Variants in FHIT observed in about 807,000 individuals in gnomAD.
The protein encoded by FHIT is fragile histidine triad diadenosine triphosphatase, also known as bis(5'-adenosyl)-triphosphatase.
A neutral mutation model predicts 17.9 loss-of-function variants in FHIT; 19 were observed. The observed-to-expected ratio is 1.06, with a 90% confidence interval of 0.74 to 1.56. The LOEUF (loss-of-function observed/expected upper bound fraction) is 1.56, where lower values mean the gene tolerates loss of function less well. Ranked by LOEUF, FHIT falls within the 40% of genes most tolerant of loss-of-function variation. The probability of loss-of-function intolerance (pLI) is 0.00; values close to 1 mark genes in which losing one functional copy is unlikely to be tolerated. For synonymous variants in FHIT, 81 were observed against 69.7 expected (o/e 1.16, Z -0.81); for missense variants, 248 against 189.2 (o/e 1.31, Z -1.82).
chr3:60,409,133 G>A (rs1701977073), intron 5 of FHIT, among the ~76,000 whole-genome samples: 1 of 152,176 alleles, frequency 6.6e-6, no homozygotes, highest in Non-Finnish European at 1.5e-5. Context: ...TACTGAATAT[G>A]ATAGTGTATG....
intron 7 of FHIT, among the ~76,000 whole-genome samples, chr3:59,944,797 G>A (rs1283645845): frequency 6.6e-6 from 1 of 152,098 alleles, no homozygotes; most frequent in African/African-American, 2.4e-5. Flanking sequence ...CTGTTCCTAT[G>A]TTAATTTGCT....
At chr3:60,444,549 T>C (rs1472303037) in intron 5 of FHIT, among the ~76,000 whole-genome samples, 17 of 152,166 alleles carry the variant, frequency 1.1e-4, no homozygotes, top group African/African-American at 4.1e-4. Context: ...TTTGTAGGGA[T>C]GTGGATGAAA....
intron 5 of FHIT, among the ~76,000 whole-genome samples, chr3:60,448,493 T>G (rs183962371): frequency 6.4e-4 from 97 of 152,316 alleles, no homozygotes; most frequent in Admixed American, 1.3e-3. Context: ...CTGCTCATCT[T>G]CACAGTAACT....
At chr3:60,277,388 A>T (rs887755279) in intron 5 of FHIT, among the ~76,000 whole-genome samples, 7 of 152,218 alleles carry the variant, frequency 4.6e-5, no homozygotes, top group Admixed American at 1.3e-4. Flanking sequence ...CTGCAGACCC[A>T]GACAAGCAAG....
At chr3:59,895,034 C>T (rs1704009627) in intron 8 of FHIT, among the ~76,000 whole-genome samples, 3 of 152,210 alleles carry the variant, frequency 2.0e-5, no homozygotes, top group African/African-American at 7.2e-5. Context: ...TTTTGTCCCA[C>T]AGGGGACATT....
intron 5 of FHIT, among the ~76,000 whole-genome samples, chr3:60,365,601 G>A (rs1179946860): frequency 6.6e-6 from 1 of 152,106 alleles, no homozygotes; most frequent in Non-Finnish European, 1.5e-5. Context: ...TCCAAAGAAG[G>A]ATGTATCACA....
chr3:60,989,048 A>G (rs1485968429), intron 3 of FHIT, among the ~76,000 whole-genome samples: 2 of 149,846 alleles, frequency 1.3e-5, no homozygotes, highest in African/African-American at 2.5e-5. Flanking sequence ...GGATACACCT[A>G]TAGTGTTGGA....
intron 5 of FHIT, among the ~76,000 whole-genome samples, chr3:60,412,918 C>T (rs1393820929): frequency 6.6e-6 from 1 of 152,132 alleles, no homozygotes; most frequent in Non-Finnish European, 1.5e-5. Flanking sequence ...CATGCTTTCT[C>T]TCACCTGCCA....
chr3:60,923,414 A>C (rs1707391287), intron 3 of FHIT, among the ~76,000 whole-genome samples: 1 of 152,214 alleles, frequency 6.6e-6, no homozygotes, highest in African/African-American at 2.4e-5. Flanking sequence ...GGCTACTGTG[A>C]GGATGAAATG....
chr3:61,216,999 TA>T (rs1434967325), intron 1 of FHIT, among the ~76,000 whole-genome samples: 1 of 54,050 alleles, frequency 1.9e-5, no homozygotes, highest in Non-Finnish European at 3.5e-5. Flanking sequence ...TGTTGTGGGG[TA>T]GGGGGAGGGG....
intron 3 of FHIT, among the ~76,000 whole-genome samples, chr3:60,846,426 C>T (rs976738174): frequency 6.6e-6 from 1 of 152,124 alleles, no homozygotes; most frequent in African/African-American, 2.4e-5. Flanking sequence ...AAAGTCATAT[C>T]CTAAGGGAGA....
In FHIT at chr3:60,165,989, T is replaced by C. The variant is rs1701154751; in HGVS notation, c.104-151837A>G. Among the ~76,000 whole-genome samples the C allele has an allele frequency of 2.6e-5, 4 of 152,270 alleles. No homozygotes were observed. In the South Asian group the frequency reaches 8.3e-4, roughly 32 times the overall value. Reference sequence around the variant, plus strand: ...AAATGCCTCCTTTGCTCTTTTTATCTACTGTTCCATAAAAACTCACTTTAT... The same window carrying C: ...AAATGCCTCCTTTGCTCTTTTTATCCACTGTTCCATAAAAACTCACTTTAT... On this transcript the variant is annotated intron_variant, in intron 5 of 9. Coordinates refer to ENST00000492590, the MANE Select transcript of FHIT (RefSeq NM_002012.4).
intron 5 of FHIT, among the ~76,000 whole-genome samples, chr3:60,489,660 T>C (rs2033982434): frequency 6.6e-6 from 1 of 152,214 alleles, no homozygotes; most frequent in South Asian, 2.1e-4. Context: ...TCTGCACATC[T>C]AAATTAGAAT....
Position 61,070,801 on chromosome 3 carries a change from G to A in FHIT, c.-163-28702C>T, listed in dbSNP as rs565805670. On this transcript the variant is annotated intron_variant, in intron 2 of 9. Coordinates refer to ENST00000492590, the MANE Select transcript of FHIT (RefSeq NM_002012.4). ...AACAAGTGCCCAGTCTTACGATGGT[G>A]CAGCCCCTCATCCAGTGTTCTATCA... Among the ~76,000 whole-genome samples the A allele has an allele frequency of 6.6e-5, 10 of 152,292 alleles. No individual in the cohort carries two copies. The South Asian group carries it at 2.1e-3, about 32-fold the overall frequency.
chr3:59,970,622 G>C (rs1708132160), intron 7 of FHIT, among the ~76,000 whole-genome samples: 1 of 152,096 alleles, frequency 6.6e-6, no homozygotes, highest in Non-Finnish European at 1.5e-5. Context: ...GATTGTTTTA[G>C]GGTGCAATGG....
intron 5 of FHIT, among the ~76,000 whole-genome samples, chr3:60,293,602 C>G (rs947165626): frequency 2.6e-5 from 4 of 151,736 alleles, no homozygotes; most frequent in Admixed American, 6.6e-5. Flanking sequence ...GGGAAAGAGC[C>G]TAAAATATGC....
intron 5 of FHIT, among the ~76,000 whole-genome samples, chr3:60,055,817 T>G (rs1702059190): frequency 6.6e-6 from 1 of 152,190 alleles, no homozygotes; most frequent in African/African-American, 2.4e-5. Context: ...GAGCTGATGC[T>G]GCAGCTTACA....
At chr3:60,993,239 A>G (rs1275938688) in intron 3 of FHIT, among the ~76,000 whole-genome samples, 1 of 152,262 alleles carries the variant, frequency 6.6e-6, no homozygotes, top group African/African-American at 2.4e-5. Flanking sequence ...CAGTTTTCAC[A>G]AAGTAATAAC....
At chr3:60,442,403 A>C (rs562863739) in intron 5 of FHIT, among the ~76,000 whole-genome samples, 1 of 152,016 alleles carries the variant, frequency 6.6e-6, no homozygotes, top group Non-Finnish European at 1.5e-5. Context: ...TTTATGGTTT[A>C]AGATCTAACA....
Sources: gnomAD v4.1 joint callset for allele counts (sites outside exome capture counted in the v4.1 genomes callset) on GRCh38, gnomAD v4.1.1 for gene constraint, MANE v1.5 for transcripts, NCBI Gene and HGNC (gene_info 2026-07-23, HGNC 2026-07-21) for gene names.